RTN1: variants seen among roughly 807,000 people sequenced by gnomAD.
RTN1 encodes reticulon-1.
In RTN1, 25 loss-of-function variants were observed where a neutral mutation model predicts 65.5. The ratio of observed to expected loss-of-function variants is 0.38; its 90% CI spans 0.28 to 0.53. The LOEUF is 0.53. Ranked by LOEUF, RTN1 falls within the 20% of genes least tolerant of loss-of-function variation. RTN1 has a pLI of 0.79. For missense variants in RTN1, 983 were observed against 1,025.4 expected, an observed-to-expected ratio of 0.96 and a Z score of 0.57; for synonymous variants, 471 against 447.6, an observed-to-expected ratio of 1.05 and a Z score of -0.66.
intron 3 of RTN1, among the ~76,000 whole-genome samples, chr14:59,631,447 G>T (rs978381436): frequency 6.6e-6 from 1 of 152,186 alleles, no homozygotes; most frequent in African/African-American, 2.4e-5. Context: ...TCATCTTTGG[G>T]ATTGACCACT....
At chr14:59,813,784 C>T (rs1886771068) in intron 1 of RTN1, among the ~76,000 whole-genome samples, 2 of 151,866 alleles carry the variant, frequency 1.3e-5, no homozygotes, top group South Asian at 2.1e-4. Context: ...ATTTTTATTA[C>T]TTTTTTCTCT....
At chr14:59,713,392 G>A (rs1456974032) in intron 3 of RTN1, among the ~76,000 whole-genome samples, 2 of 152,140 alleles carry the variant, frequency 1.3e-5, no homozygotes, top group African/African-American at 2.4e-5. Context: ...GGAAATTTCC[G>A]ATGAGAACAA....
At chr14:59,781,243 A>G (rs1044850215) in intron 1 of RTN1, among the ~76,000 whole-genome samples, 12 of 152,016 alleles carry the variant, frequency 7.9e-5, no homozygotes, top group African/African-American at 2.9e-4. Context: ...TTCACTGAAC[A>G]AAAAACAGAG....
At chr14:59,808,781 A>G (rs1886679574) in intron 1 of RTN1, among the ~76,000 whole-genome samples, 1 of 152,064 alleles carries the variant, frequency 6.6e-6, no homozygotes, top group Admixed American at 6.6e-5. Context: ...GTTCTCATGC[A>G]ACCTGGTCAT....
At chr14:59,672,883 A>G (rs1015968250) in intron 3 of RTN1, among the ~76,000 whole-genome samples, 2 of 145,934 alleles carry the variant, frequency 1.4e-5, no homozygotes, top group East Asian at 4.0e-4. Context: ...CTCATGATCC[A>G]CCCGCCTCGG....
chr14:59,602,922 A>T, intron 8 of RTN1, 143 bp downstream of exon 8: 1 of 605,470 alleles, frequency 1.7e-6, no homozygotes, highest in Non-Finnish European at 2.8e-6. Flanking sequence ...ATAATTGAGA[A>T]GAGAATGAAT....
intron 3 of RTN1, among the ~76,000 whole-genome samples, chr14:59,688,752 G>A (rs531768277): frequency 3.9e-5 from 6 of 152,038 alleles, no homozygotes; most frequent in Non-Finnish European, 8.8e-5. Flanking sequence ...TCCAGGGAGG[G>A]GGTGAAAGGG....
chr14:59,666,962 C>CAAAAAAAA (rs146213616), intron 3 of RTN1, among the ~76,000 whole-genome samples: 2 of 60,098 alleles, frequency 3.3e-5, no homozygotes, highest in Non-Finnish European at 6.0e-5. Flanking sequence ...GCCGACCAAC[C>CAAAAAAAA]AAAAAAAAAA....
At chr14:59,838,615 C>T (rs1198075592) in intron 1 of RTN1, among the ~76,000 whole-genome samples, 1 of 152,132 alleles carries the variant, frequency 6.6e-6, no homozygotes, top group Non-Finnish European at 1.5e-5. Flanking sequence ...AGCCACTACA[C>T]AGTACACAGA....
At chr14:59,626,088 T>A (rs370751184) in intron 3 of RTN1, among the ~76,000 whole-genome samples, 1 of 152,228 alleles carries the variant, frequency 6.6e-6, no homozygotes, top group Non-Finnish European at 1.5e-5. Context: ...TAAAAGGTGA[T>A]ATTAGTCTGC....
intron 3 of RTN1, among the ~76,000 whole-genome samples, chr14:59,656,237 T>C (rs570685448): frequency 6.6e-6 from 1 of 151,462 alleles, no homozygotes; most frequent in Admixed American, 6.6e-5. Flanking sequence ...AAATGACTGC[T>C]AATGGTTACA....
chr14:59,737,306 C>T (rs1223560389), intron 2 of RTN1, among the ~76,000 whole-genome samples: 1 of 152,172 alleles, frequency 6.6e-6, no homozygotes, highest in East Asian at 1.9e-4. Context: ...TGATAAGCAA[C>T]TTCAGCAAAG....
intron 1 of RTN1, among the ~76,000 whole-genome samples, chr14:59,839,954 TG>T (rs1887281918): frequency 6.6e-6 from 1 of 151,848 alleles, no homozygotes; most frequent in Non-Finnish European, 1.5e-5. Context: ...CAATTCTTGG[TG>T]TTCCATAATT....
intron 3 of RTN1, among the ~76,000 whole-genome samples, chr14:59,722,796 CTT>C (rs573634730): frequency 3.3e-4 from 45 of 137,150 alleles, no homozygotes; most frequent in Non-Finnish European, 3.8e-4. Context: ...GAACTTTTAA[CTT>C]TTTTTTTTTT....
intron 3 of RTN1, among the ~76,000 whole-genome samples, chr14:59,643,861 A>T (rs1423617185): frequency 6.6e-6 from 1 of 151,716 alleles, no homozygotes; most frequent in Non-Finnish European, 1.5e-5. Flanking sequence ...ATTACTAGAC[A>T]TACAGAAACA....
At position 59,794,368 on chromosome 14, in the gene RTN1, C is replaced by T. The variant is rs1566729394; in HGVS notation, c.242-47887G>A. On this transcript the variant is annotated intron_variant, in intron 1 of 8. Coordinates refer to ENST00000267484, the MANE Select transcript of RTN1 (RefSeq NM_021136.3). The surrounding 1 kb of genome is among the most constrained non-coding windows in gnomAD (Gnocchi z 5.1). The stretch of plus-strand genomic sequence containing the variant: ...AAGGAATTATAGACAAAAAGCATCA[C>T]AAACTTGAAAGTATTCTAAGCCACT... Among the ~76,000 whole-genome samples the T allele has an allele frequency of 6.6e-6, 1 of 152,184 alleles. No individual in the cohort carries two copies. The highest frequency in any genetic ancestry group is 1.5e-5 in the Non-Finnish European group (1 of 68,034).
At chr14:59,716,742 G>A (rs542895651) in intron 3 of RTN1, among the ~76,000 whole-genome samples, 2 of 151,884 alleles carry the variant, frequency 1.3e-5, no homozygotes, top group East Asian at 1.9e-4. Flanking sequence ...TGGATCACGA[G>A]GTCAGGAGAT....
At chr14:59,617,848 G>A (rs984528316) in intron 3 of RTN1, among the ~76,000 whole-genome samples, 4 of 152,130 alleles carry the variant, frequency 2.6e-5, no homozygotes, top group Non-Finnish European at 4.4e-5. Context: ...CAGTTGCAAA[G>A]CAGTTCCACT....
At position 59,732,024 on chromosome 14, in the gene RTN1, T is replaced by C. The variant is rs186305471; in HGVS notation, c.1016-4356A>G. Reference sequence around the variant, plus strand: ...CTAGGTGCAATTGTGTTGTACAATGTTCTAGAGAAACTTAGAGGAGGTCAT... The same window carrying C: ...CTAGGTGCAATTGTGTTGTACAATGCTCTAGAGAAACTTAGAGGAGGTCAT... On this transcript the variant is annotated intron_variant, in intron 2 of 8. Coordinates refer to ENST00000267484, the MANE Select transcript of RTN1 (RefSeq NM_021136.3). 1.2e-4 allele frequency among the ~76,000 whole-genome samples: 19 copies of C among 152,324 alleles called. No homozygotes were observed. The South Asian group carries it at 1.7e-3, about 13-fold the overall frequency.
Sources: gnomAD v4.1 joint callset for allele counts (sites outside exome capture counted in the v4.1 genomes callset) on GRCh38, gnomAD v4.1.1 for gene constraint, Gnocchi (gnomAD v3.1) non-coding constraint, MANE v1.5 for transcripts, NCBI Gene and HGNC (gene_info 2026-07-23, HGNC 2026-07-21) for gene names.